The following EFCC1 variants were observed in gnomAD, a reference collection of about 807,000 sequenced individuals.
EFCC1 encodes the protein EF-hand and coiled-coil domain containing 1, also known as EF-hand and coiled-coil domain-containing protein 1.
Under a neutral mutation model 52.1 loss-of-function variants are expected in EFCC1, and 50 were observed. The observed-to-expected ratio is 0.96, with a 90% confidence interval of 0.76 to 1.21. The LOEUF is 1.21. Among genes scored for constraint, EFCC1 ranks in the 50% most tolerant of loss-of-function variants. The pLI, the probability that EFCC1 is intolerant of heterozygous loss-of-function variation, is 0.00. For synonymous variants in EFCC1, 399 were observed against 396.5 expected, an observed-to-expected ratio of 1.01 and a Z score of -0.08; for missense variants, 837 against 867.3, an observed-to-expected ratio of 0.97 and a Z score of 0.44.
chr3:129,014,093 G>T lies in EFCC1; in HGVS notation c.980+10016G>T, dbSNP rs1037256313. On this transcript the variant is annotated intron_variant, in intron 2 of 7. Coordinates refer to ENST00000683648, the MANE Select transcript of EFCC1 (RefSeq NM_001377500.1). This position sits in a 1 kb window ranked among gnomAD's most constrained non-coding sequence, Gnocchi z 4.3. ...TCATTTTGCCTCTTCATGATTTTCT[G>T]TCAGAAATAACCATTGGCTTTTCTT... Among the ~76,000 whole-genome samples, 1 of 152,202 alleles carries T rather than the reference G, an allele frequency of 6.6e-6. No individual in the cohort carries two copies. The highest frequency in any genetic ancestry group is 1.5e-5 in the Non-Finnish European group (1 of 68,040).
At chr3:129,023,906 T>C (rs1049228620) in intron 2 of EFCC1, among the ~76,000 whole-genome samples, 1 of 152,156 alleles carries the variant, frequency 6.6e-6, no homozygotes, top group Admixed American at 6.5e-5. Context: ...TGGCTCCAGA[T>C]CTAGTGCTCT....
intron 2 of EFCC1, among the ~76,000 whole-genome samples, chr3:129,005,554 T>G (rs1347213369): frequency 2.0e-5 from 3 of 152,248 alleles, no homozygotes. Context: ...AATAAAAAGT[T>G]ACCCTGGCTA....
At chr3:129,009,607 C>CT (rs1945227426) in intron 2 of EFCC1, among the ~76,000 whole-genome samples, 1 of 152,172 alleles carries the variant, frequency 6.6e-6, no homozygotes, top group African/African-American at 2.4e-5. Context: ...AGAGCAAGGC[C>CT]CATTGAACTC....
chr3:129,021,774 T>TAAG (rs887216556), intron 2 of EFCC1, among the ~76,000 whole-genome samples: 7 of 152,248 alleles, frequency 4.6e-5, no homozygotes, highest in Non-Finnish European at 7.3e-5. Context: ...ACAGACAGGT[T>TAAG]AAAGTATCTG....
chr3:129,015,359 C>T (rs1370652475), intron 2 of EFCC1, among the ~76,000 whole-genome samples: 1 of 152,168 alleles, frequency 6.6e-6, no homozygotes, highest in Non-Finnish European at 1.5e-5. Flanking sequence ...TCTTTCACGG[C>T]CCCTGGACTT....
intron 2 of EFCC1, among the ~76,000 whole-genome samples, chr3:129,021,518 GA>G (rs1945842625): frequency 2.6e-5 from 4 of 152,184 alleles, no homozygotes; most frequent in Admixed American, 2.6e-4. Context: ...AGGTTGTGGT[GA>G]GACTAGATCA....
chr3:129,011,564 A>G (rs995433152), intron 2 of EFCC1, among the ~76,000 whole-genome samples: 1 of 152,094 alleles, frequency 6.6e-6, no homozygotes, highest in Non-Finnish European at 1.5e-5. Context: ...AAAAAAAAAA[A>G]AAGAATGAAG....
Position 129,017,826 on chromosome 3 carries a change from G to A in EFCC1, c.981-12877G>A, listed in dbSNP as rs570331493. ...CTTCACTCACAGGCTTTGAGAATTA[G>A]GGTGTGGAACTTGGGGGCCCATTCC... On this transcript the variant is annotated intron_variant, in intron 2 of 7. Coordinates refer to ENST00000683648, the MANE Select transcript of EFCC1 (RefSeq NM_001377500.1). Among the ~76,000 whole-genome samples, 9 of 152,310 alleles carry A rather than the reference G, an allele frequency of 5.9e-5. No homozygotes were observed. The South Asian group carries it at 1.7e-3, about 28-fold the overall frequency.
chr3:129,031,111 C>T (rs1946263849), intron 3 of EFCC1, among the ~76,000 whole-genome samples: 1 of 152,196 alleles, frequency 6.6e-6, no homozygotes, highest in South Asian at 2.1e-4. Flanking sequence ...CCCAAACTTG[C>T]CAGGTGGCCA....
At chr3:129,027,308 C>A (rs1946149729) in intron 2 of EFCC1, among the ~76,000 whole-genome samples, 1 of 152,154 alleles carries the variant, frequency 6.6e-6, no homozygotes, top group Non-Finnish European at 1.5e-5. Context: ...CATGGGGAGG[C>A]GCTGCAGGGG....
chr3:129,039,083 G>A (rs1312922219), intron 7 of EFCC1, among the ~76,000 whole-genome samples, 183 bp downstream of exon 7: 2 of 152,248 alleles, frequency 1.3e-5, no homozygotes, highest in Non-Finnish European at 2.9e-5. Flanking sequence ...GCCCCAGGCA[G>A]AAGTGCCAGA....
intron 2 of EFCC1, among the ~76,000 whole-genome samples, chr3:129,024,017 T>C (rs1407108155): frequency 6.6e-6 from 1 of 152,192 alleles, no homozygotes; most frequent in Non-Finnish European, 1.5e-5. Context: ...TGGCCTGGCC[T>C]TTCCTTGCAC....
At chr3:129,034,683 T>G (rs763759320) in intron 5 of EFCC1, among the ~76,000 whole-genome samples, 4 of 152,150 alleles carry the variant, frequency 2.6e-5, no homozygotes, top group African/African-American at 4.8e-5. Flanking sequence ...TCAAAAGGGC[T>G]TACTCCATAT....
chr3:129,002,722 G>A (rs1305674010), intron 1 of EFCC1: 4 of 213,936 alleles, frequency 1.9e-5, no homozygotes, highest in African/African-American at 4.6e-5. Flanking sequence ...GGAGACAGAA[G>A]TGTGAAGAAG....
In EFCC1 at chr3:129,001,794, GACCAGTACCTGC is replaced by G. The variant is rs1559951408; in HGVS notation, c.168_179del (p.Asp56_Gln60delinsGlu). 6.5e-7 allele frequency: 1 copy of G among 1,544,906 alleles called. No homozygotes were observed. Among genetic ancestry groups the G allele is most frequent in the Admixed American group, 2.0e-5 (1 of 50,866 alleles). On this transcript the variant is annotated inframe_deletion, in exon 1 of 8. Transcript: ENST00000683648. ...GATCGTGGTGCTGGCCACCGGCCTG[GACCAGTACCTGC>G]AGGAGGTCTTCCACCACCTGGACTG...
rs1050646500 is a variant in EFCC1 at position 129,002,116 on chromosome 3, G to T, written c.488G>T (p.Arg163Leu). Residue 163 changes from arginine (R) to leucine (L), a missense_variant, in exon 1 of 8, where the codon CGC becomes CTC. Transcript: ENST00000683648. ...FGTRAGPRLP[R>L]GALSEHIETQ... ...ACCCGTGCGGGGCCCCGGCTGCCCC[G>T]CGGCGCTCTCAGCGAGCACATCGAG... The T allele has an allele frequency of 6.7e-7, 1 of 1,481,990 alleles. No homozygotes were observed. Among genetic ancestry groups the T allele is most frequent in the African/African-American group, 1.5e-5 (1 of 67,646 alleles). The allele number at this position is 1,481,990 out of a possible 1,614,324, so 91.8% of individuals were successfully genotyped here.
Position 129,002,604 on chromosome 3 carries a change from G to T in EFCC1, c.696+280G>T, listed in dbSNP as rs944416921. On this transcript the variant is annotated intron_variant, in intron 1 of 7. Coordinates refer to ENST00000683648, the MANE Select transcript of EFCC1 (RefSeq NM_001377500.1). ...TTTTCTGCTCCACCGCCACATCATC[G>T]CGTCTTGCCCCTTTAACCTAGGAAT... 4 of 510,894 alleles carry T rather than the reference G, an allele frequency of 7.8e-6. No individual in the cohort carries two copies. In the African/African-American group the frequency reaches 8.1e-5, roughly 10 times the overall value. The allele number at this position is 510,894 out of a possible 1,614,324, so 31.6% of individuals were successfully genotyped here. A position where few individuals can be genotyped will look rare whatever the true frequency, so the allele number is the denominator to read the frequency against.
chr3:129,008,627 A>G (rs1344294983), intron 2 of EFCC1, among the ~76,000 whole-genome samples: 1 of 151,404 alleles, frequency 6.6e-6, no homozygotes, highest in Non-Finnish European at 1.5e-5. Context: ...GGACACAGAA[A>G]TGGCAGTAGA....
rs77863524 is a variant in EFCC1 at position 129,020,339 on chromosome 3, A to G, written c.981-10364A>G. ...CTATGAGCTTGGGTGACTTACTCCCATTTAAAAGATTGGGAAGGCTGGACA... is the reference window on the plus strand; with the variant it reads ...CTATGAGCTTGGGTGACTTACTCCCGTTTAAAAGATTGGGAAGGCTGGACA... On this transcript the variant is annotated intron_variant, in intron 2 of 7. Transcript: ENST00000683648. 9.0e-3 allele frequency among the ~76,000 whole-genome samples: 1,373 copies of G among 152,246 alleles called. 20 individuals carry two copies. The highest frequency in any genetic ancestry group is 0.032 in the African/African-American group (1,314 of 41,524).
Sources: gnomAD v4.1 joint callset for allele counts (sites outside exome capture counted in the v4.1 genomes callset) on GRCh38, gnomAD v4.1.1 for gene constraint, Gnocchi (gnomAD v3.1) non-coding constraint, MANE v1.5 for transcripts, NCBI Gene and HGNC (gene_info 2026-07-23, HGNC 2026-07-21) for gene names.